Variants in EFCAB8 observed in about 807,000 individuals in gnomAD.
The protein encoded by EFCAB8 is EF-hand calcium-binding domain-containing protein 8.
EFCAB8 carries 100 observed loss-of-function variants against 116.3 expected under a neutral mutation model. The observed-to-expected ratio is 0.86, with a 90% CI of 0.73 to 1.02. EFCAB8 has a LOEUF of 1.02. Ranked by LOEUF, EFCAB8 falls within the 50% of genes least tolerant of loss-of-function variation. The pLI is 0.00. For missense variants in EFCAB8, 1,320 were observed against 1,416.9 expected (o/e 0.93, Z 1.10); for synonymous variants, 558 against 567.9 (o/e 0.98, Z 0.25).
rs535229955 is a variant in EFCAB8, at chr20:32,946,954, C to T, written c.2959+3150C>T. On this transcript the variant is annotated intron_variant, in intron 23 of 26. Coordinates refer to ENST00000400522, the MANE Select transcript of EFCAB8 (RefSeq NM_001143967.2). ...TTTGAGATTCATCTTTGTTGTTGAA[C>T]GTATCAGTAGTTTGTTCTTTTTATT... Among the ~76,000 whole-genome samples the T allele has an allele frequency of 3.9e-5, 6 of 152,276 alleles. No homozygotes were observed. In the South Asian group the frequency reaches 1.0e-3, roughly 26 times the overall value.
intron 11 of EFCAB8, among the ~76,000 whole-genome samples, chr20:32,905,979 G>A (rs972008180): frequency 6.6e-6 from 1 of 151,952 alleles, no homozygotes. Context: ...TGTGACCTTG[G>A]GGAAGCTCCT....
chr20:32,913,655 C>G (rs1987045333), intron 17 of EFCAB8, among the ~76,000 whole-genome samples: 1 of 152,168 alleles, frequency 6.6e-6, no homozygotes, highest in African/African-American at 2.4e-5. Context: ...GGGTGAGTCT[C>G]AAGCTACAAT....
At chr20:32,876,152 C>A in intron 4 of EFCAB8, 108 bp downstream of exon 4, 1 of 968,002 alleles carries the variant, frequency 1.0e-6, no homozygotes. Flanking sequence ...TGTGGGAAAG[C>A]CTCCCTGTGG....
At position 32,908,257 on chromosome 20, in the gene EFCAB8, C is replaced by G. The variant is rs114057854; in HGVS notation, c.1309-18C>G. On this transcript the variant is annotated intron_variant, in intron 13 of 26. Coordinates refer to ENST00000400522, the MANE Select transcript of EFCAB8 (RefSeq NM_001143967.2). ...CCGAGACCCATGCTCAGCGTCTTGC[C>G]TTTTTCCCATCCCCCAGAATATTCG... 7,743 of 1,249,808 alleles carry G rather than the reference C, an allele frequency of 6.2e-3. 427 individuals are homozygous for G. In the African/African-American group the frequency reaches 0.11, roughly 18 times the overall value. The allele number at this position is 1,249,808 out of a possible 1,614,324, so 77.4% of individuals were successfully genotyped here.
intron 23 of EFCAB8, among the ~76,000 whole-genome samples, chr20:32,951,623 A>C (rs1201082240): frequency 6.6e-6 from 1 of 152,228 alleles, no homozygotes; most frequent in Non-Finnish European, 1.5e-5. Flanking sequence ...GGATATGTAC[A>C]CATTAAATAG....
intron 23 of EFCAB8, among the ~76,000 whole-genome samples, chr20:32,953,771 G>A (rs529672533): frequency 6.6e-6 from 1 of 152,016 alleles, no homozygotes; most frequent in East Asian, 1.9e-4. Flanking sequence ...CCATTCTGTA[G>A]GCTTCGTTTT....
chr20:32,875,502 GTTT>G (rs57620114), intron 3 of EFCAB8, among the ~76,000 whole-genome samples: 1 of 89,874 alleles, frequency 1.1e-5, no homozygotes, highest in Admixed American at 1.2e-4. Context: ...AAACATGGTG[GTTT>G]TTTTTTTTTT....
chr20:32,868,267 G>A (rs1315508772), intron 3 of EFCAB8, among the ~76,000 whole-genome samples: 7 of 152,072 alleles, frequency 4.6e-5, no homozygotes. Context: ...TTGCTATGTT[G>A]CCCAGGCTGG....
intron 23 of EFCAB8, among the ~76,000 whole-genome samples, chr20:32,947,497 T>C (rs1988632875): frequency 1.3e-5 from 2 of 152,162 alleles, no homozygotes; most frequent in South Asian, 4.1e-4. Flanking sequence ...CCATACAAAG[T>C]ATGTTCTCTG....
intron 11 of EFCAB8, among the ~76,000 whole-genome samples, chr20:32,900,845 G>A (rs1344399469): frequency 6.6e-6 from 1 of 152,172 alleles, no homozygotes; most frequent in Admixed American, 6.6e-5. Context: ...TGGGATTACA[G>A]GCGTGAGCCA....
intron 7 of EFCAB8, 35 bp downstream of exon 7, chr20:32,889,441 G>A (rs1262808940): frequency 1.3e-6 from 2 of 1,528,666 alleles, no homozygotes; most frequent in Non-Finnish European, 1.8e-6. Flanking sequence ...TCTGCTCTCA[G>A]CCACTGGGAG....
At position 32,898,630 on chromosome 20, in the gene EFCAB8, AGTGCTTCTCTCCT is replaced by A. The variant is rs573725397; in HGVS notation, c.1088+9_1088+21del. On this transcript the variant is annotated splice_region_variant and intron_variant, in intron 11 of 26. Coordinates refer to ENST00000400522, the MANE Select transcript of EFCAB8 (RefSeq NM_001143967.2). ...AAGCCTCTAAGAAACCCAGGTAAGA[AGTGCTTCTCTCCT>A]GGCTAAGGCGGTGGGGCTGGAAGGG... 1 of 717,856 alleles carries A rather than the reference AGTGCTTCTCTCCT, an allele frequency of 1.4e-6. No individual in the cohort carries two copies. Among genetic ancestry groups the A allele is most frequent in the East Asian group, 2.7e-5 (1 of 37,230 alleles). The allele number at this position is 717,856 out of a possible 1,614,324, so 44.5% of individuals were successfully genotyped here. A position where few individuals can be genotyped will look rare whatever the true frequency, so the allele number is the denominator to read the frequency against.
At chr20:32,960,776 C>T (rs748554681) in intron 26 of EFCAB8, among the ~76,000 whole-genome samples, 5 of 152,214 alleles carry the variant, frequency 3.3e-5, no homozygotes, top group Non-Finnish European at 7.3e-5. Context: ...CCCCCTGTCT[C>T]GGGCTGGGGA....
intron 5 of EFCAB8, among the ~76,000 whole-genome samples, chr20:32,883,345 A>G (rs1244069613): frequency 6.6e-6 from 1 of 152,196 alleles, no homozygotes; most frequent in African/African-American, 2.4e-5. Flanking sequence ...TGTTGCCGGG[A>G]GGCGCTTACA....
chr20:32,950,792 TC>T (rs1988774131), intron 23 of EFCAB8, among the ~76,000 whole-genome samples: 1 of 152,158 alleles, frequency 6.6e-6, no homozygotes, highest in Non-Finnish European at 1.5e-5. Flanking sequence ...GACCTCCCCC[TC>T]CCTCTGTGCC....
intron 18 of EFCAB8, 130 bp downstream of exon 18, chr20:32,917,635 G>C (rs1454730646): frequency 1.9e-6 from 2 of 1,056,876 alleles, no homozygotes; most frequent in African/African-American, 1.6e-5. Flanking sequence ...GGATGGGGTG[G>C]GGAGCTTGGT....
chr20:32,949,813 A>G (rs1457930113), intron 23 of EFCAB8, among the ~76,000 whole-genome samples: 1 of 152,244 alleles, frequency 6.6e-6, no homozygotes, highest in African/African-American at 2.4e-5. Context: ...AGCCTGGCCA[A>G]CATGGCAAAA....
rs997121160 is a variant in EFCAB8 at position 32,889,275 on chromosome 20, A to G, written c.568-26A>G. On this transcript the variant is annotated intron_variant, in intron 6 of 26. Coordinates refer to ENST00000400522, the MANE Select transcript of EFCAB8 (RefSeq NM_001143967.2). ...CTGGCCTGAGTATGCGTCCCAGCCCATCTCCTCTGCTCTTCCTCTGGCCAG... is the reference window on the plus strand; with the variant it reads ...CTGGCCTGAGTATGCGTCCCAGCCCGTCTCCTCTGCTCTTCCTCTGGCCAG... 11 of 1,549,230 alleles carry G rather than the reference A, an allele frequency of 7.1e-6. No individual in the cohort carries two copies. In the South Asian group the frequency reaches 9.5e-5, roughly 13 times the overall value.
chr20:32,948,297 G>A (rs900713113), intron 23 of EFCAB8, among the ~76,000 whole-genome samples: 2 of 152,006 alleles, frequency 1.3e-5, no homozygotes, highest in African/African-American at 4.8e-5. Context: ...CAGATAACCC[G>A]AATATCCTTA....
Sources: gnomAD v4.1 joint callset for allele counts (sites outside exome capture counted in the v4.1 genomes callset) on GRCh38, gnomAD v4.1.1 for gene constraint, MANE v1.5 for transcripts, NCBI Gene and HGNC (gene_info 2026-07-23, HGNC 2026-07-21) for gene names.